The following PPP2R5A variants were observed in gnomAD, a reference collection of about 807,000 sequenced individuals.
The protein encoded by PPP2R5A is serine/threonine-protein phosphatase 2A 56 kDa regulatory subunit alpha isoform.
In PPP2R5A, 25 loss-of-function variants were observed where a neutral mutation model predicts 64.2. The observed-to-expected ratio is 0.39, with a 90% confidence interval of 0.28 to 0.54. The LOEUF (loss-of-function observed/expected upper bound fraction) is 0.54. Among genes scored for constraint, PPP2R5A ranks in the 20% least tolerant of loss-of-function variants. The pLI, the probability that PPP2R5A is intolerant of heterozygous loss-of-function variation, is 0.67. For synonymous variants in PPP2R5A, 198 were observed against 201.2 expected (o/e 0.98, Z 0.13); for missense variants, 425 against 576.3 (o/e 0.74, Z 2.69).
At chr1:212,306,743 T>TTATTTATA (rs1332235083) in intron 1 of PPP2R5A, 4 of 128,624 alleles carry the variant, frequency 3.1e-5, no homozygotes, top group African/African-American at 1.9e-4. Context: ...CCATTTACAT[T>TTATTTATA]TATTTATTTA....
In PPP2R5A at chr1:212,317,763, G is replaced by A. The variant is rs554773149; in HGVS notation, c.182-11372G>A. On this transcript the variant is annotated intron_variant, in intron 1 of 12. Transcript: ENST00000261461. ...AGCATTTTAGGAGGCCGAGGCAGGC[G>A]GATCACAAAGTCAGGAGTTCGAGAC... Among the ~76,000 whole-genome samples the A allele has an allele frequency of 3.9e-5, 6 of 152,072 alleles. No individual in the cohort carries two copies. The South Asian group carries it at 1.0e-3, about 26-fold the overall frequency.
At chr1:212,294,029 A>G (rs1658649599) in intron 1 of PPP2R5A, among the ~76,000 whole-genome samples, 1 of 152,218 alleles carries the variant, frequency 6.6e-6, no homozygotes, top group African/African-American at 2.4e-5. Flanking sequence ...CATTTAGATA[A>G]TAGCTAAAAG....
At chr1:212,339,066 C>A (rs1057408653) in intron 3 of PPP2R5A, among the ~76,000 whole-genome samples, 2 of 152,132 alleles carry the variant, frequency 1.3e-5, no homozygotes, top group Non-Finnish European at 2.9e-5. Flanking sequence ...GACACTGGGA[C>A]AGGATAAATT....
intron 1 of PPP2R5A, among the ~76,000 whole-genome samples, chr1:212,313,044 T>C (rs1369863296): frequency 6.6e-6 from 1 of 152,196 alleles, no homozygotes; most frequent in Non-Finnish European, 1.5e-5. Context: ...CCTATGCAAA[T>C]CCTAGCCACC....
chr1:212,338,243 T>C (rs1347307112), intron 3 of PPP2R5A, among the ~76,000 whole-genome samples: 1 of 152,202 alleles, frequency 6.6e-6, no homozygotes, highest in Non-Finnish European at 1.5e-5. Context: ...CAGAACTCAG[T>C]AGAATAGTAA....
chr1:212,310,188 G>A (rs990878562), intron 1 of PPP2R5A, among the ~76,000 whole-genome samples: 5 of 152,032 alleles, frequency 3.3e-5, no homozygotes, highest in African/African-American at 7.2e-5. Context: ...GGCACACATT[G>A]TTCTACAGAC....
At chr1:212,346,618 GA>G (rs1263965351) in intron 5 of PPP2R5A, among the ~76,000 whole-genome samples, 2 of 152,146 alleles carry the variant, frequency 1.3e-5, no homozygotes, top group African/African-American at 4.8e-5. Flanking sequence ...TGAATGCACA[GA>G]TAATGAAACC....
intron 1 of PPP2R5A, among the ~76,000 whole-genome samples, chr1:212,317,319 G>A (rs1445247011): frequency 6.9e-6 from 1 of 145,754 alleles, no homozygotes; most frequent in African/African-American, 2.6e-5. Context: ...TATGTACTGT[G>A]AATCTCTAAT....
intron 1 of PPP2R5A, among the ~76,000 whole-genome samples, chr1:212,295,551 G>T (rs748290666): frequency 6.6e-6 from 1 of 152,166 alleles, no homozygotes; most frequent in Non-Finnish European, 1.5e-5. Context: ...CACTGAAAAT[G>T]GATAGAATGA....
chr1:212,342,752 T>C (rs958086655), intron 4 of PPP2R5A, among the ~76,000 whole-genome samples: 8 of 152,172 alleles, frequency 5.3e-5, no homozygotes, highest in African/African-American at 9.7e-5. Context: ...CCTTTTTCTT[T>C]CCTCTTTGCA....
At chr1:212,336,754 GA>G in intron 3 of PPP2R5A, among the ~76,000 whole-genome samples, 1 of 152,272 alleles carries the variant, frequency 6.6e-6, no homozygotes, top group East Asian at 1.9e-4. Context: ...TTGTAGCACT[GA>G]AGAAATTTGC....
intron 3 of PPP2R5A, among the ~76,000 whole-genome samples, chr1:212,340,654 T>C (rs1349231169): frequency 6.6e-6 from 1 of 152,254 alleles, no homozygotes; most frequent in East Asian, 1.9e-4. Context: ...TTATTTCTTG[T>C]TATATCCTTA....
intron 3 of PPP2R5A, among the ~76,000 whole-genome samples, chr1:212,335,800 C>T (rs894043264): frequency 6.6e-6 from 1 of 152,174 alleles, no homozygotes; most frequent in African/African-American, 2.4e-5. Flanking sequence ...AAAGGTTTTA[C>T]ATATTCTCAT....
intron 7 of PPP2R5A, 113 bp from the exon 8 acceptor site, chr1:212,349,076 A>G: frequency 1.8e-6 from 1 of 549,108 alleles, no homozygotes; most frequent in Non-Finnish European, 2.9e-6. Context: ...ATTTTTATAT[A>G]TTGGAATAAT....
intron 1 of PPP2R5A, among the ~76,000 whole-genome samples, chr1:212,291,419 A>G (rs1658600413): frequency 6.6e-6 from 1 of 152,212 alleles, no homozygotes; most frequent in Admixed American, 6.5e-5. Context: ...AAACAAAACA[A>G]AAAATCAATA....
At chr1:212,334,728 A>G (rs11119918) in intron 3 of PPP2R5A, among the ~76,000 whole-genome samples, 6,045 of 152,148 alleles carry the variant, frequency 0.04, 517 homozygotes, top group East Asian at 0.36. Flanking sequence ...TCTTACGTCC[A>G]TGGTTTTCTG....
chr1:212,327,446 A>G (rs1245283334), intron 1 of PPP2R5A, among the ~76,000 whole-genome samples: 1 of 152,274 alleles, frequency 6.6e-6, no homozygotes, highest in African/African-American at 2.4e-5. Flanking sequence ...CTTGAGTCTC[A>G]CTCTGTGGCC....
chr1:212,321,223 GGCT>G (rs1558146597), intron 1 of PPP2R5A, among the ~76,000 whole-genome samples: 1 of 143,926 alleles, frequency 6.9e-6, no homozygotes. Context: ...CAGACGGGGC[GGCT>G]GGCCGGGCAG....
intron 2 of PPP2R5A, among the ~76,000 whole-genome samples, chr1:212,330,790 A>G (rs1045931459): frequency 2.6e-5 from 4 of 152,242 alleles, no homozygotes; most frequent in African/African-American, 9.6e-5. Flanking sequence ...ACCTCTCAAA[A>G]GGAATTAGGA....
Sources: allele counts gnomAD v4.1 joint callset (sites outside exome capture counted in the v4.1 genomes callset), GRCh38; gene constraint gnomAD v4.1.1; transcripts MANE v1.5; gene names NCBI Gene and HGNC (gene_info 2026-07-23, HGNC 2026-07-21).